INSR: variants seen among roughly 807,000 people sequenced by gnomAD.
INSR encodes IR.
Under a neutral mutation model 142.6 loss-of-function variants are expected in INSR, and 67 were observed. That is an observed-to-expected ratio of 0.47 (90% CI 0.39 to 0.58). The LOEUF (loss-of-function observed/expected upper bound fraction) is 0.58. Among genes scored for constraint, INSR ranks in the 20% least tolerant of loss-of-function variants. INSR has a pLI of 0.00. For missense variants in INSR, 1,248 were observed against 1,833.2 expected (o/e 0.68, Z 5.83); for synonymous variants, 756 against 743.1 (o/e 1.02, Z -0.28).
chr19:7,251,945 A>T (rs1976741373), intron 2 of INSR, among the ~76,000 whole-genome samples: 6 of 152,142 alleles, frequency 3.9e-5, no homozygotes, highest in Admixed American at 3.3e-4. Flanking sequence ...TTACCAACTG[A>T]CCCAGCGATT....
intron 1 of INSR, among the ~76,000 whole-genome samples, chr19:7,285,783 A>G (rs962675492): frequency 7.2e-5 from 11 of 152,180 alleles, no homozygotes; most frequent in Admixed American, 2.0e-4. Flanking sequence ...AGAGAAAACT[A>G]TAGGGATGGA....
chr19:7,287,159 CTTTTT>C (rs34457204), intron 1 of INSR, among the ~76,000 whole-genome samples: 16 of 129,152 alleles, frequency 1.2e-4, no homozygotes, highest in Non-Finnish European at 1.5e-4. Context: ...CAAAAATATT[CTTTTT>C]TTTTTTTTTT....
chr19:7,234,855 G>A (rs577096261), intron 2 of INSR, among the ~76,000 whole-genome samples: 7 of 151,528 alleles, frequency 4.6e-5, no homozygotes, highest in Middle Eastern at 3.4e-3. Context: ...TCAGGAGATC[G>A]ACACCATCCT....
chr19:7,231,295 GT>G (rs59830751), intron 2 of INSR, among the ~76,000 whole-genome samples: 33,034 of 132,424 alleles, frequency 0.25, 4,645 homozygotes, highest in Middle Eastern at 0.34. Context: ...GGTGTTTTTT[GT>G]TTTTTTTTTT....
intron 9 of INSR, among the ~76,000 whole-genome samples, chr19:7,158,312 A>G (rs905476879): frequency 3.3e-5 from 5 of 151,920 alleles, no homozygotes; most frequent in African/African-American, 7.3e-5. Context: ...CATCCTGGCT[A>G]ACATGGTGAA....
intron 7 of INSR, among the ~76,000 whole-genome samples, chr19:7,167,149 A>G (rs1295206218): frequency 6.6e-6 from 1 of 152,150 alleles, no homozygotes; most frequent in Admixed American, 6.6e-5. Flanking sequence ...TAAATTTCAG[A>G]TTTTCAGATT....
intron 1 of INSR, among the ~76,000 whole-genome samples, chr19:7,275,567 A>G (rs1968039894): frequency 6.6e-6 from 1 of 151,944 alleles, no homozygotes; most frequent in African/African-American, 2.4e-5. Flanking sequence ...TGGATGACCC[A>G]AGGTCAGGAG....
At chr19:7,199,198 C>T (rs1974879324) in intron 2 of INSR, among the ~76,000 whole-genome samples, 1 of 152,042 alleles carries the variant, frequency 6.6e-6, no homozygotes, top group South Asian at 2.1e-4. Flanking sequence ...GTTTGCAGCA[C>T]ACACGGTCCA....
At chr19:7,158,368 G>T (rs896698387) in intron 9 of INSR, among the ~76,000 whole-genome samples, 1 of 152,062 alleles carries the variant, frequency 6.6e-6, no homozygotes, top group Admixed American at 6.6e-5. Context: ...GGGCGTGGTG[G>T]CGGGCGCCTG....
In INSR at chr19:7,293,839, ACCGCCACCAGCAGCGGCGCGGCCG is replaced by A. The variant is rs1252864145; in HGVS notation, c.29_52del (p.Ala10_Ala17del). On this transcript the variant is annotated inframe_deletion, in exon 1 of 22. Coordinates refer to ENST00000302850, the MANE Select transcript of INSR (RefSeq NM_000208.4). ...CGCGGCGCCCAGTAGCAGCGCGGCC[ACCGCCACCAGCAGCGGCGCGGCCG>A]CCGCCCCCCGCCGGCCCCCGGTGGC... 7.7e-7 allele frequency: 1 copy of A among 1,298,014 alleles called. No homozygotes were observed. The highest frequency in any genetic ancestry group is 2.3e-5 in the South Asian group (1 of 43,568). The allele number at this position is 1,298,014 out of a possible 1,614,324, so 80.4% of individuals were successfully genotyped here.
intron 2 of INSR, among the ~76,000 whole-genome samples, chr19:7,266,416 C>T (rs1367596912): frequency 6.7e-6 from 1 of 149,408 alleles, no homozygotes; most frequent in African/African-American, 2.5e-5. Context: ...AAGGAGTTTC[C>T]CTCTGGTTGC....
chr19:7,230,382 T>C (rs2145124368), intron 2 of INSR, among the ~76,000 whole-genome samples: 1 of 152,260 alleles, frequency 6.6e-6, no homozygotes, highest in Middle Eastern at 3.4e-3. Context: ...GTGCTGACCT[T>C]TCTGTCAGCC....
At chr19:7,165,767 G>A (rs1395692538) in intron 8 of INSR, among the ~76,000 whole-genome samples, 1 of 151,624 alleles carries the variant, frequency 6.6e-6, no homozygotes, top group Admixed American at 6.6e-5. Context: ...GGAGGCTGAG[G>A]TGGGAGAATT....
At chr19:7,148,563 C>T (rs142765646) in intron 11 of INSR, among the ~76,000 whole-genome samples, 12,671 of 146,578 alleles carry the variant, frequency 0.086, 673 homozygotes, top group Non-Finnish European at 0.12. Context: ...CCGCAACCTC[C>T]GCCTCCAGAA....
At chr19:7,147,706 CGTATTA>C (rs1973218468) in intron 11 of INSR, among the ~76,000 whole-genome samples, 1 of 151,994 alleles carries the variant, frequency 6.6e-6, no homozygotes, top group Non-Finnish European at 1.5e-5. Context: ...AAGATATGTC[CGTATTA>C]GCAAGATTCA....
At chr19:7,224,733 A>G (rs1477844941) in intron 2 of INSR, among the ~76,000 whole-genome samples, 1 of 152,190 alleles carries the variant, frequency 6.6e-6, no homozygotes. Flanking sequence ...GAGTGTTTGG[A>G]TGAAGCTGGT....
At chr19:7,254,186 T>C (rs1227477709) in intron 2 of INSR, among the ~76,000 whole-genome samples, 2 of 151,738 alleles carry the variant, frequency 1.3e-5, no homozygotes, top group African/African-American at 2.4e-5. Context: ...CTGGGCAACA[T>C]AGCAAAATCC....
rs1039064179 is a variant in INSR at position 7,241,795 on chromosome 19, C to T, written c.652+25550G>A. 3.9e-5 allele frequency among the ~76,000 whole-genome samples: 6 copies of T among 151,970 alleles called. 1 individual carries two copies. The highest frequency in any genetic ancestry group is 4.2e-4 in the South Asian group (2 of 4,816). ...GTAATGTACAGGGCAGTCCCCACCA[C>T]GGAGAGGGGTTCAGCCCAGAATGCT... On this transcript the variant is annotated intron_variant, in intron 2 of 21. Transcript: ENST00000302850.
intron 2 of INSR, among the ~76,000 whole-genome samples, chr19:7,227,461 T>G (rs1449305456): frequency 6.6e-6 from 1 of 152,100 alleles, no homozygotes; most frequent in East Asian, 1.9e-4. Context: ...TTTGTAGAGA[T>G]GGGGTTTCAC....
Sources: gnomAD v4.1 joint callset for allele counts (sites outside exome capture counted in the v4.1 genomes callset) on GRCh38, gnomAD v4.1.1 for gene constraint, MANE v1.5 for transcripts, NCBI Gene and HGNC (gene_info 2026-07-23, HGNC 2026-07-21) for gene names.